The following RGS3 variants were observed in gnomAD, a reference collection of about 807,000 sequenced individuals.
RGS3 encodes the protein regulator of G protein signaling 3, also known as regulator of G-protein signalling 3.
RGS3 carries 80 observed loss-of-function variants against 132.6 expected under a neutral mutation model. The observed-to-expected ratio is 0.60, with a 90% confidence interval of 0.50 to 0.73. The LOEUF (loss-of-function observed/expected upper bound fraction) is 0.73. Among genes scored for constraint, RGS3 ranks in the 30% least tolerant of loss-of-function variants. The pLI, the probability that RGS3 is intolerant of heterozygous loss-of-function variation, is 0.00. For synonymous variants in RGS3, 598 were observed against 620.6 expected, an observed-to-expected ratio of 0.96 and a Z score of 0.54; for missense variants, 1,382 against 1,530.8, an observed-to-expected ratio of 0.90 and a Z score of 1.62.
chr9:113,463,947 C>A lies in RGS3; in HGVS notation c.415+1746C>A. ...CTGCTCCCAGCGCCCAGAAACGCAG[C>A]CCCTCGTGGTGACAGGGGAGGCTGG... On this transcript the variant is annotated intron_variant, in intron 3 of 24. Transcript: ENST00000350696. This position sits in a 1 kb window ranked among gnomAD's most constrained non-coding sequence, Gnocchi z 4.6. 6.4e-7 allele frequency: 1 copy of A among 1,554,510 alleles called. No homozygotes were observed. The highest frequency in any genetic ancestry group is 1.4e-5 in the African/African-American group (1 of 73,342).
intron 9 of RGS3, among the ~76,000 whole-genome samples, chr9:113,497,781 C>T (rs989286000): frequency 1.3e-5 from 2 of 152,192 alleles, no homozygotes; most frequent in African/African-American, 4.8e-5. Context: ...TAGGTCCTGC[C>T]ATGATCCCTA....
At chr9:113,474,694 C>A (rs1403620168) in intron 3 of RGS3, among the ~76,000 whole-genome samples, 1 of 152,164 alleles carries the variant, frequency 6.6e-6, no homozygotes, top group Admixed American at 6.5e-5. Context: ...GATATCATCA[C>A]CCTTCCTGTA....
At chr9:113,544,299 G>GTTTT (rs572535036) in intron 19 of RGS3, among the ~76,000 whole-genome samples, 2 of 133,406 alleles carry the variant, frequency 1.5e-5, no homozygotes, top group African/African-American at 2.8e-5. Context: ...CCATTTTCAT[G>GTTTT]TTTTTTTTTT....
At chr9:113,501,478 C>G in intron 10 of RGS3, 1 of 1,510,722 alleles carries the variant, frequency 6.6e-7, no homozygotes, top group South Asian at 1.2e-5. Context: ...GCGGGCTTCC[C>G]AGGGTGCTCA....
At chr9:113,516,780 T>G (rs925441962) in intron 15 of RGS3, among the ~76,000 whole-genome samples, 49 of 152,164 alleles carry the variant, frequency 3.2e-4, no homozygotes, top group African/African-American at 1.1e-3. Context: ...CACTGTAACC[T>G]CAAGCTCCTG....
intron 16 of RGS3, among the ~76,000 whole-genome samples, chr9:113,519,475 A>T (rs539166472): frequency 6.6e-6 from 1 of 150,470 alleles, no homozygotes. Flanking sequence ...GCAACCAAAC[A>T]TGTAGATCTG....
chr9:113,561,630 C>G (rs967750588), intron 19 of RGS3, among the ~76,000 whole-genome samples: 1 of 149,542 alleles, frequency 6.7e-6, no homozygotes, highest in African/African-American at 2.5e-5. Flanking sequence ...CTATGTTGCC[C>G]AGGCTGGTCT....
intron 7 of RGS3, among the ~76,000 whole-genome samples, chr9:113,487,122 T>TTTG (rs1830357140): frequency 7.0e-6 from 1 of 143,766 alleles, no homozygotes; most frequent in Admixed American, 6.9e-5. Context: ...TTTTTTTTTT[T>TTTG]GAGACGGAGT....
intron 19 of RGS3, among the ~76,000 whole-genome samples, chr9:113,538,207 C>T (rs1361567702): frequency 1.3e-5 from 2 of 152,232 alleles, no homozygotes; most frequent in Non-Finnish European, 2.9e-5. Context: ...ACTCACTCAA[C>T]CATAGCTGTG....
intron 20 of RGS3, 117 bp downstream of exon 18, chr9:113,584,544 A>T: frequency 8.3e-7 from 1 of 1,206,484 alleles, no homozygotes; most frequent in Non-Finnish European, 1.1e-6. Flanking sequence ...GCAGCCTCCC[A>T]GCGAACTTTC....
intron 15 of RGS3, among the ~76,000 whole-genome samples, chr9:113,515,594 G>A (rs1174241143): frequency 1.3e-5 from 2 of 151,904 alleles, no homozygotes; most frequent in African/African-American, 4.8e-5. Flanking sequence ...TCACACCACT[G>A]CACTCCAGCC....
At chr9:113,530,068 T>C (rs566173153) in intron 18 of RGS3, among the ~76,000 whole-genome samples, 1 of 152,362 alleles carries the variant, frequency 6.6e-6, no homozygotes, top group South Asian at 2.1e-4. Flanking sequence ...ATTAGACACA[T>C]TCCTGCCTCT....
At chr9:113,491,014 G>T (rs1259760501) in intron 7 of RGS3, among the ~76,000 whole-genome samples, 7 of 130,280 alleles carry the variant, frequency 5.4e-5, no homozygotes, top group East Asian at 4.3e-4. Flanking sequence ...TATATGTAAC[G>T]TAATTATTAT....
In RGS3 at chr9:113,565,395, A is replaced by G. The variant is rs1339397166; in HGVS notation, c.2038-18055A>G. 7.8e-7 allele frequency: 1 copy of G among 1,288,254 alleles called. No individual in the cohort carries two copies. Among genetic ancestry groups the G allele is most frequent in the Non-Finnish European group, 1.0e-6 (1 of 987,748 alleles). The allele number at this position is 1,288,254 out of a possible 1,614,324, so 79.8% of individuals were successfully genotyped here. A position where few individuals can be genotyped will look rare whatever the true frequency, so the allele number is the denominator to read the frequency against. On this transcript the variant is annotated intron_variant, in intron 19 of 24. Transcript: ENST00000350696. The surrounding 1 kb of genome is among the most constrained non-coding windows in gnomAD (Gnocchi z 5.7). ...TGGGAAAGGCGCTGGAGGAGGAGGA[A>G]GAGGAGGAGGACAAGTAGGAGGAGG...
chr9:113,444,816 C>A (rs1388829070), exon 1 of RGS3: 2 of 152,132 alleles, frequency 1.3e-5, no homozygotes, highest in Admixed American at 1.3e-4. Flanking sequence ...ACTGGGATAC[C>A]CTTAGACTGA....
At chr9:113,528,349 G>A (rs1367421136) in intron 17 of RGS3, among the ~76,000 whole-genome samples, 2 of 152,162 alleles carry the variant, frequency 1.3e-5, no homozygotes, top group Non-Finnish European at 2.9e-5. Flanking sequence ...GGGCAGGGCA[G>A]GTGTCCTGGA....
At chr9:113,593,779 G>A (rs1173186150) in intron 21 of RGS3, 3 of 784,464 alleles carry the variant, frequency 3.8e-6, no homozygotes, top group Admixed American at 2.6e-5. Context: ...CTTGGGGACC[G>A]GCAAGGCTAA....
intron 17 of RGS3, 31 bp downstream of exon 15, chr9:113,523,072 C>T (rs1206647217): frequency 1.4e-6 from 2 of 1,425,830 alleles, no homozygotes; most frequent in East Asian, 4.5e-5. Context: ...CCCAGAGCCC[C>T]TCTCAACTTG....
At chr9:113,584,454 A>G in intron 20 of RGS3, 27 bp downstream of exon 18, 18 of 1,500,154 alleles carry the variant, frequency 1.2e-5, no homozygotes, top group Non-Finnish European at 1.6e-5. Flanking sequence ...GGGAGGGAGA[A>G]GGATACATGC....
Sources: allele counts gnomAD v4.1 joint callset (sites outside exome capture counted in the v4.1 genomes callset), GRCh38; gene constraint gnomAD v4.1.1; non-coding constraint Gnocchi (gnomAD v3.1); transcripts MANE v1.5; gene names NCBI Gene and HGNC (gene_info 2026-07-23, HGNC 2026-07-21).